The following LAMA3 variants were observed in gnomAD, a reference collection of about 807,000 sequenced individuals.
LAMA3 encodes laminin subunit alpha-3.
In LAMA3, 281 loss-of-function variants were observed where a neutral mutation model predicts 402.0. That is an observed-to-expected ratio of 0.70 (90% CI 0.63 to 0.77). The LOEUF (loss-of-function observed/expected upper bound fraction) is 0.77, where lower values mean the gene tolerates loss of function less well. LAMA3 is among the 30% of genes least tolerant of loss of function. LAMA3 has a pLI of 0.00. For missense variants in LAMA3, 3,840 were observed against 4,215.5 expected (o/e 0.91, Z 2.47); for synonymous variants, 1,431 against 1,558.4 (o/e 0.92, Z 1.93).
At chr18:23,942,690 G>A (rs1345150843) in intron 68 of LAMA3, among the ~76,000 whole-genome samples, 1 of 151,026 alleles carries the variant, frequency 6.6e-6, no homozygotes, top group African/African-American at 2.4e-5. Context: ...CGATTCTCCT[G>A]CCTCAGCCTC....
intron 2 of LAMA3, among the ~76,000 whole-genome samples, chr18:23,728,901 C>T (rs749477152): frequency 1.3e-5 from 2 of 151,632 alleles, no homozygotes; most frequent in Non-Finnish European, 2.9e-5. Flanking sequence ...TGTGGTGGTG[C>T]GCACCTATAG....
At chr18:23,838,993 C>A in intron 26 of LAMA3, 115 bp downstream of exon 26, 1 of 743,746 alleles carries the variant, frequency 1.3e-6, no homozygotes, top group East Asian at 2.6e-5. Flanking sequence ...GTGCTAAAGT[C>A]TGGTGGTGGA....
Position 23,907,741 on chromosome 18 carries a change from C to T in LAMA3, c.6836-15C>T, listed in dbSNP as rs763033079. On this transcript the variant is annotated splice_polypyrimidine_tract_variant and intron_variant, in intron 53 of 74. Coordinates refer to ENST00000313654, the MANE Select transcript of LAMA3 (RefSeq NM_198129.4). Reference sequence around the variant, plus strand: ...GTTTTAGATACTTATACCTCCCTATCTGTGTGTGCATTAGGTGATATTGAT... The same window carrying T: ...GTTTTAGATACTTATACCTCCCTATTTGTGTGTGCATTAGGTGATATTGAT... 1 of 1,614,036 alleles carries T rather than the reference C, an allele frequency of 6.2e-7. No homozygotes were observed. The highest frequency in any genetic ancestry group is 8.5e-7 in the Non-Finnish European group (1 of 1,179,924).
At chr18:23,921,912 T>G (rs928723773) in intron 62 of LAMA3, among the ~76,000 whole-genome samples, 1 of 152,182 alleles carries the variant, frequency 6.6e-6, no homozygotes, top group Non-Finnish European at 1.5e-5. Context: ...GAAGGCTGCA[T>G]AGGAGAGCGT....
chr18:23,769,663 G>C (rs184630980), intron 8 of LAMA3, among the ~76,000 whole-genome samples: 22 of 152,136 alleles, frequency 1.4e-4, no homozygotes, highest in African/African-American at 4.8e-4. Context: ...ATGCATGTGC[G>C]CAAGCACACA....
intron 5 of LAMA3, among the ~76,000 whole-genome samples, chr18:23,753,235 G>A (rs888955448): frequency 6.6e-5 from 10 of 152,190 alleles, no homozygotes; most frequent in Non-Finnish European, 1.0e-4. Context: ...TCCAGTCTCA[G>A]GGATGTATTG....
Position 23,901,060 on chromosome 18 carries a change from TAGTTTTTATAACCC to T in LAMA3, c.6005-64_6005-51del, listed in dbSNP as rs761418080. 9.8e-4 allele frequency: 1,339 copies of T among 1,362,860 alleles called. 6 individuals are homozygous for T. Among genetic ancestry groups the T allele is most frequent in the Non-Finnish European group, 1.1e-3 (1,068 of 955,804 alleles). The allele number at this position is 1,362,860 out of a possible 1,614,324, so 84.4% of individuals were successfully genotyped here. ...GAGTAGAAACTCGATTCTCCCTTTG[TAGTTTTTATAACCC>T]AGCTTCAGTATGCTCATCTGTCAAA... On this transcript the variant is annotated intron_variant, in intron 47 of 74. Coordinates refer to ENST00000313654, the MANE Select transcript of LAMA3 (RefSeq NM_198129.4).
intron 22 of LAMA3, 133 bp downstream of exon 22, chr18:23,826,932 C>T (rs2063394252): frequency 1.5e-6 from 1 of 677,064 alleles, no homozygotes; most frequent in Non-Finnish European, 2.7e-6. Flanking sequence ...TGTTATCTTC[C>T]TCTATGTCTT....
chr18:23,822,828 A>G (rs943205760), intron 20 of LAMA3, among the ~76,000 whole-genome samples: 3 of 152,210 alleles, frequency 2.0e-5, no homozygotes, highest in Non-Finnish European at 4.4e-5. Context: ...TAAAGCATGA[A>G]GCCCAAATGA....
rs540507393 is a variant in LAMA3, at chr18:23,826,874, G to A, written c.2669+75G>A. 2.7e-5 allele frequency: 23 copies of A among 849,054 alleles called. 1 individual carries two copies. The South Asian group carries it at 3.3e-4, about 12-fold the overall frequency. 52.6% of individuals were successfully genotyped at this position (849,054 alleles called of 1,614,324 possible). ...AGGAGCCTTTAATGCAAGCTTTCAT[G>A]AGGTGTCTCAGGATCACAACGACAG... On this transcript the variant is annotated intron_variant, in intron 22 of 74. Coordinates refer to ENST00000313654, the MANE Select transcript of LAMA3 (RefSeq NM_198129.4).
At chr18:23,882,435 G>A (rs1049740829) in intron 40 of LAMA3, among the ~76,000 whole-genome samples, 2 of 151,982 alleles carry the variant, frequency 1.3e-5, no homozygotes, top group African/African-American at 4.8e-5. Flanking sequence ...TTCGAGACCA[G>A]CCTGGCCAAC....
chr18:23,876,455 C>T (rs1174934705), intron 39 of LAMA3, 48 bp downstream of exon 39: 2 of 1,213,524 alleles, frequency 1.6e-6, no homozygotes, highest in Admixed American at 1.7e-5. Flanking sequence ...TCTGTTTCTC[C>T]TCCATTCCCC....
intron 35 of LAMA3, 54 bp downstream of exon 35, chr18:23,861,861 C>T: frequency 1.3e-6 from 2 of 1,520,126 alleles, no homozygotes; most frequent in Non-Finnish European, 1.8e-6. Context: ...GCTATTGCTG[C>T]ATGAGCATCA....
chr18:23,926,709 G>A (rs1014273696), intron 62 of LAMA3, among the ~76,000 whole-genome samples: 2 of 152,204 alleles, frequency 1.3e-5, no homozygotes, highest in African/African-American at 4.8e-5. Context: ...ATATTTGCCT[G>A]GACTTCAGTT....
At chr18:23,949,712 T>C in intron 70 of LAMA3, 53 bp from the exon 71 acceptor site, 3 of 1,590,352 alleles carry the variant, frequency 1.9e-6, no homozygotes, top group South Asian at 1.1e-5. Flanking sequence ...TGGCTACCCA[T>C]GCCTTTCTTG....
chr18:23,724,527 T>C (rs1337170770), intron 2 of LAMA3, among the ~76,000 whole-genome samples: 1 of 152,188 alleles, frequency 6.6e-6, no homozygotes, highest in Non-Finnish European at 1.5e-5. Context: ...GACTGTTTTG[T>C]CTCAGAATGA....
rs768667251 is a variant in LAMA3 at position 23,712,315 on chromosome 18, G to C, written c.295-1605G>C. On this transcript the variant is annotated intron_variant, in intron 1 of 74. Coordinates refer to ENST00000313654, the MANE Select transcript of LAMA3 (RefSeq NM_198129.4). ...GAATCGCTTGAACCTGGGGGCGGAG[G>C]TTGCGGTGAGCTGAGATCATGCCAT... Among the ~76,000 whole-genome samples, 121 of 150,896 alleles carry C rather than the reference G, an allele frequency of 8.0e-4. 1 individual carries two copies. Among genetic ancestry groups the C allele is most frequent in the Non-Finnish European group, 1.3e-3 (87 of 67,848 alleles).
chr18:23,853,798 G>A (rs763970800), intron 32 of LAMA3, among the ~76,000 whole-genome samples: 8 of 152,138 alleles, frequency 5.3e-5, no homozygotes, highest in African/African-American at 1.7e-4. Context: ...CCATAAATTC[G>A]CTGTAGAGAA....
intron 44 of LAMA3, 129 bp from the exon 45 acceptor site, chr18:23,898,609 C>A: frequency 1.4e-6 from 1 of 716,510 alleles, no homozygotes; most frequent in Non-Finnish European, 2.6e-6. Flanking sequence ...TTCCAAGAAC[C>A]ACATTTGTGT....
Sources: gnomAD v4.1 joint callset for allele counts (sites outside exome capture counted in the v4.1 genomes callset) on GRCh38, gnomAD v4.1.1 for gene constraint, MANE v1.5 for transcripts, NCBI Gene and HGNC (gene_info 2026-07-23, HGNC 2026-07-21) for gene names.